Variants in LPL observed in about 807,000 individuals in gnomAD.
The protein encoded by LPL is lipoprotein lipase, also known as phospholipase A1.
LPL carries 43 observed loss-of-function variants against 52.2 expected under a neutral mutation model. That is an observed-to-expected ratio of 0.82 (90% CI 0.64 to 1.06). LPL has a LOEUF of 1.06. Ranked by LOEUF, LPL falls within the 50% of genes least tolerant of loss-of-function variation. The pLI is 0.00. For missense variants in LPL, 639 were observed against 585.3 expected (o/e 1.09, Z -0.95); for synonymous variants, 244 against 215.6 (o/e 1.13, Z -1.15).
chr8:19,953,678 A>G (rs1256792734), intron 4 of LPL, among the ~76,000 whole-genome samples: 1 of 151,622 alleles, frequency 6.6e-6, no homozygotes, highest in Non-Finnish European at 1.5e-5. Context: ...TTTCTCTGGG[A>G]AGCCTGTTTC....
intron 3 of LPL, among the ~76,000 whole-genome samples, chr8:19,952,895 C>T (rs1470206249): frequency 6.6e-6 from 1 of 152,136 alleles, no homozygotes; most frequent in African/African-American, 2.4e-5. Flanking sequence ...AACATACACA[C>T]ATATACATAT....
At chr8:19,962,091 A>T (rs1180398135) in intron 8 of LPL, 24 bp from the exon 9 acceptor site, 8 of 1,482,618 alleles carry the variant, frequency 5.4e-6, no homozygotes, top group African/African-American at 1.4e-5. Flanking sequence ...TACATGGCAT[A>T]TTCACATCCA....
At chr8:19,940,934 A>C (rs1453173309) in intron 1 of LPL, among the ~76,000 whole-genome samples, 2 of 152,156 alleles carry the variant, frequency 1.3e-5, no homozygotes, top group Non-Finnish European at 2.9e-5. Flanking sequence ...CTATAAAAAA[A>C]AAATACAAAA....
At position 19,966,960 on chromosome 8, in the gene LPL, C is replaced by A. The variant is rs1420082699; in HGVS notation, c.*1650C>A. The stretch of plus-strand genomic sequence containing the variant: ...CTAAAGCAGCACATAGCACTGGGAA[C>A]TCTGGCTCCGAAAAACTTTGTTATA... On this transcript the variant is annotated 3_prime_UTR_variant, in exon 10 of 10. Transcript: ENST00000650287. 1 of 152,604 alleles carries A rather than the reference C, an allele frequency of 6.6e-6. No homozygotes were observed. Among genetic ancestry groups the A allele is most frequent in the African/African-American group, 2.4e-5 (1 of 41,434 alleles). The allele number at this position is 152,604 out of a possible 1,614,324, so 9.5% of individuals were successfully genotyped here.
intron 5 of LPL, 111 bp downstream of exon 5, chr8:19,954,464 C>A: frequency 9.5e-7 from 1 of 1,056,588 alleles, no homozygotes; most frequent in Non-Finnish European, 1.4e-6. Flanking sequence ...CACATTTGGC[C>A]AAATTATGTT....
At position 19,956,049 on chromosome 8, in the gene LPL, G is replaced by T. The variant is rs2128838564; in HGVS notation, c.984G>T (p.Met328Ile). Residue 328 changes from methionine (M) to isoleucine (I), a missense_variant, in exon 6 of 10, where the codon ATG becomes ATT. By Grantham distance (10) the Met-to-Ile change is conservative. Coordinates refer to ENST00000650287, the MANE Select transcript of LPL (RefSeq NM_000237.3). ...NKVRAKRSSK[M>I]YLKTRSQMPY... ...TCAGAGCCAAAAGAAGCAGCAAAAT[G>T]TACCTGAAGACTCGTTCTCAGATGC... 6.2e-7 allele frequency: 1 copy of T among 1,614,174 alleles called. No individual in the cohort carries two copies. The highest frequency in any genetic ancestry group is 8.5e-7 in the Non-Finnish European group (1 of 1,180,024).
At position 19,948,790 on chromosome 8, in the gene LPL, C is replaced by T. The variant is rs1057175305; in HGVS notation, c.249+450C>T. 9.9e-5 allele frequency among the ~76,000 whole-genome samples: 15 copies of T among 152,232 alleles called. 1 individual carries two copies. Among genetic ancestry groups the T allele is most frequent in the Admixed American group, 9.8e-4 (15 of 15,278 alleles). ...CGTCCATGCTGGCTTTGCCATTCTC[C>T]AGCTCTGTGCTGTGGATCAAGTCAC... On this transcript the variant is annotated intron_variant, in intron 2 of 9. Coordinates refer to ENST00000650287, the MANE Select transcript of LPL (RefSeq NM_000237.3).
At chr8:19,956,968 C>T (rs949619736) in intron 6 of LPL, among the ~76,000 whole-genome samples, 1 of 152,150 alleles carries the variant, frequency 6.6e-6, no homozygotes, top group Admixed American at 6.5e-5. Flanking sequence ...GGATAACAGG[C>T]ATGCACCATC....
At chr8:19,958,702 C>A (rs1367436801) in intron 6 of LPL, among the ~76,000 whole-genome samples, 1 of 152,084 alleles carries the variant, frequency 6.6e-6, no homozygotes, top group Non-Finnish European at 1.5e-5. Context: ...GAAATAAGTT[C>A]TATGATGCAC....
intron 6 of LPL, among the ~76,000 whole-genome samples, chr8:19,958,699 G>A (rs1265251148): frequency 3.3e-5 from 5 of 152,154 alleles, no homozygotes; most frequent in East Asian, 3.9e-4. Flanking sequence ...AACGAAATAA[G>A]TTCTATGATG....
At chr8:19,941,393 C>G (rs1356438478) in intron 1 of LPL, among the ~76,000 whole-genome samples, 1 of 152,144 alleles carries the variant, frequency 6.6e-6, no homozygotes, top group Non-Finnish European at 1.5e-5. Flanking sequence ...TTCCTAGGCT[C>G]CCTTACAGGT....
At chr8:19,960,880 A>C in intron 7 of LPL, 21 bp from the exon 8 acceptor site, 1 of 1,607,392 alleles carries the variant, frequency 6.2e-7, no homozygotes, top group Non-Finnish European at 8.5e-7. Flanking sequence ...AACTAACCAA[A>C]TTTATTGCTT....
intron 2 of LPL, among the ~76,000 whole-genome samples, chr8:19,948,730 T>G (rs563161287): frequency 6.6e-6 from 1 of 151,534 alleles, no homozygotes; most frequent in East Asian, 2.0e-4. Context: ...CATGGAAGAG[T>G]GAGGAGAGGG....
intron 1 of LPL, among the ~76,000 whole-genome samples, chr8:19,946,987 G>C (rs2128836668): frequency 6.6e-6 from 1 of 152,300 alleles, no homozygotes; most frequent in Admixed American, 6.5e-5. Context: ...TGGTTTTCAA[G>C]TTTTGCCTTT....
rs71205952 is a variant in LPL at position 19,959,777 on chromosome 8, C to CTTTTTTTTTTTTTTTTTTTTTTTTTTTTT, written c.1139+398_1139+426dup. Among the ~76,000 whole-genome samples, 4 of 65,132 alleles carry CTTTTTTTTTTTTTTTTTTTTTTTTTTTTT rather than the reference C, an allele frequency of 6.1e-5. 1 individual carries two copies. The highest frequency in any genetic ancestry group is 6.6e-5 in the African/African-American group (1 of 15,152). The allele number at this position is 65,132 out of a possible 152,430, so 42.7% of individuals were successfully genotyped here. On this transcript the variant is annotated intron_variant, in intron 7 of 9. Transcript: ENST00000650287. ...AGAAGTCCATGACAAAGTGTTAGCT[C>CTTTTTTTTTTTTTTTTTTTTTTTTTTTTT]TTTTTTTTTTTTTTTTTTTTTTTTT...
chr8:19,942,943 T>C (rs565417391), intron 1 of LPL, among the ~76,000 whole-genome samples: 47 of 152,364 alleles, frequency 3.1e-4, no homozygotes, highest in Non-Finnish European at 4.6e-4. Context: ...CTCTTCCCAG[T>C]CTGTGCTCTC....
At chr8:19,953,482 G>A in intron 4 of LPL, 61 bp downstream of exon 4, 10 of 1,293,092 alleles carry the variant, frequency 7.7e-6, no homozygotes, top group South Asian at 3.6e-5. Flanking sequence ...TTCTGAGAGA[G>A]AATCAGAACA....
chr8:19,942,938 C>G (rs1659849420), intron 1 of LPL, among the ~76,000 whole-genome samples: 1 of 152,226 alleles, frequency 6.6e-6, no homozygotes, highest in Non-Finnish European at 1.5e-5. Context: ...TTTTGCTCTT[C>G]CCAGTCTGTG....
At chr8:19,956,938 C>T (rs762346042) in intron 6 of LPL, among the ~76,000 whole-genome samples, 3 of 152,156 alleles carry the variant, frequency 2.0e-5, no homozygotes, top group Non-Finnish European at 2.9e-5. Flanking sequence ...ATTCCCCTGC[C>T]TCAGCCTCCG....
Sources: gnomAD v4.1 joint callset for allele counts (sites outside exome capture counted in the v4.1 genomes callset) on GRCh38, gnomAD v4.1.1 for gene constraint, MANE v1.5 for transcripts, NCBI Gene and HGNC (gene_info 2026-07-23, HGNC 2026-07-21) for gene names.